PROX1: variants seen among roughly 807,000 people sequenced by gnomAD.
The protein encoded by PROX1 is prospero homeobox 1.
In PROX1, 7 loss-of-function variants were observed where a neutral mutation model predicts 58.8. That is an observed-to-expected ratio of 0.12 (90% CI 0.07 to 0.22). The LOEUF is 0.22. Ranked by LOEUF, PROX1 falls within the 10% of genes least tolerant of loss-of-function variation. The pLI is 1.00. For synonymous variants in PROX1, 350 were observed against 358.3 expected (o/e 0.98, Z 0.26); for missense variants, 675 against 927.8 (o/e 0.73, Z 3.54).
chr1:213,986,775 A>C (rs548209521), upstream of PROX1, among the ~76,000 whole-genome samples: 6 of 152,328 alleles, frequency 3.9e-5, no homozygotes, highest in East Asian at 9.6e-4. Flanking sequence ...TGCTTTATTA[A>C]AAGCCGTTTA....
rs1451785619 is a variant in PROX1, at chr1:214,038,762, T to G, written c.*2928T>G. On this transcript the variant is annotated 3_prime_UTR_variant, in exon 5 of 5. Coordinates refer to ENST00000366958, the MANE Select transcript of PROX1 (RefSeq NM_001270616.2). ...TGACTTTATTTCCAATTACTACAGC[T>G]GCAATAAACACTAGATTTTTTTTCT... 1 of 152,224 alleles carries G rather than the reference T, an allele frequency of 6.6e-6. No individual in the cohort carries two copies. Among genetic ancestry groups the G allele is most frequent in the East Asian group, 1.9e-4 (1 of 5,200 alleles). The allele number at this position is 152,224 out of a possible 1,614,324, so 9.4% of individuals were successfully genotyped here.
At chr1:213,994,748 CAAATATATATATATATATATATATAT>C (rs1165061923) in intron 1 of PROX1, among the ~76,000 whole-genome samples, 2 of 76,774 alleles carry the variant, frequency 2.6e-5, no homozygotes, top group Non-Finnish European at 4.9e-5. Flanking sequence ...CTCAAGCATG[CAAATATATATATATATATATATATAT>C]ATATATATAT....
chr1:213,990,133 TAAAA>T (rs5780750), intron 1 of PROX1, among the ~76,000 whole-genome samples: 4,154 of 131,672 alleles, frequency 0.032, 114 homozygotes, highest in East Asian at 0.049. Flanking sequence ...CTCCCTTATT[TAAAA>T]AAAAAAAAAA....
chr1:214,016,902 C>A (rs940952932), intron 4 of PROX1, among the ~76,000 whole-genome samples: 3 of 152,076 alleles, frequency 2.0e-5, no homozygotes, highest in African/African-American at 4.8e-5. Context: ...TTTTAGCTCC[C>A]TGTGTCTTTT....
rs1231686198 is a variant in PROX1, at chr1:214,031,066, T to TGTGTGTGTGTGCGC, written c.2029-4582_2029-4581insTGTGTGTGTGCGCG. Among the ~76,000 whole-genome samples, 633 of 95,104 alleles carry TGTGTGTGTGTGCGC rather than the reference T, an allele frequency of 6.7e-3. 2 individuals carry two copies. The highest frequency in any genetic ancestry group is 0.011 in the Non-Finnish European group (447 of 40,772). The allele number at this position is 95,104 out of a possible 152,430, so 62.4% of individuals were successfully genotyped here. ...GTGTGTGTGTGTGTGTGTGTGTGTG[T>TGTGTGTGTGTGCGC]GCGCGCGCGCGCATTCGCGCACGCA... On this transcript the variant is annotated intron_variant, in intron 4 of 4. Transcript: ENST00000366958.
At chr1:214,027,604 C>T (rs768830189) in intron 4 of PROX1, among the ~76,000 whole-genome samples, 2 of 152,096 alleles carry the variant, frequency 1.3e-5, no homozygotes, top group South Asian at 4.1e-4. Flanking sequence ...GTATGTTTAT[C>T]CAGCTTTGTA....
intron 4 of PROX1, among the ~76,000 whole-genome samples, chr1:214,033,794 T>C (rs953025917): frequency 6.6e-6 from 1 of 152,140 alleles, no homozygotes; most frequent in African/African-American, 2.4e-5. Flanking sequence ...AAAAGATTGC[T>C]TCACGAATTT....
chr1:213,999,933 T>C (rs979117109), intron 2 of PROX1, among the ~76,000 whole-genome samples: 5 of 152,162 alleles, frequency 3.3e-5, no homozygotes, highest in African/African-American at 1.2e-4. Flanking sequence ...CAGAGGTTCA[T>C]GTAAGGCTAA....
chr1:214,016,542 T>A (rs753453427), intron 4 of PROX1, among the ~76,000 whole-genome samples: 1 of 152,186 alleles, frequency 6.6e-6, no homozygotes, highest in Non-Finnish European at 1.5e-5. Flanking sequence ...TCTTGGTGGG[T>A]GGCGAGGAGG....
chr1:214,017,481 A>G (rs188177419), intron 4 of PROX1, among the ~76,000 whole-genome samples: 1 of 152,212 alleles, frequency 6.6e-6, no homozygotes, highest in East Asian at 1.9e-4. Context: ...GCCTCTGTGA[A>G]ATGATTTGGT....
chr1:213,983,744 T>G (rs982353576), upstream of PROX1: 1 of 152,246 alleles, frequency 6.6e-6, no homozygotes, highest in Non-Finnish European at 1.5e-5. Context: ...GCCTTTGGGT[T>G]TCCAGCTTCT....
chr1:214,025,029 T>C (rs1454350271), intron 4 of PROX1, among the ~76,000 whole-genome samples: 1 of 152,194 alleles, frequency 6.6e-6, no homozygotes, highest in African/African-American at 2.4e-5. Flanking sequence ...GGCTTATTTT[T>C]CCACCTAAGT....
intron 4 of PROX1, among the ~76,000 whole-genome samples, chr1:214,023,813 A>G (rs1452426813): frequency 3.3e-5 from 5 of 152,212 alleles, no homozygotes; most frequent in Non-Finnish European, 7.3e-5. Flanking sequence ...TATGGTGCTA[A>G]AAGTGACTTT....
At chr1:214,031,090 C>A (rs1664640924) in intron 4 of PROX1, among the ~76,000 whole-genome samples, 1 of 151,912 alleles carries the variant, frequency 6.6e-6, no homozygotes, top group Non-Finnish European at 1.5e-5. Context: ...TTCGCGCACG[C>A]ACACACACGC....
upstream of PROX1, chr1:213,984,453 C>A (rs1177401420): frequency 1.3e-5 from 2 of 152,196 alleles, no homozygotes; most frequent in African/African-American, 4.8e-5. Flanking sequence ...ACTTTGAAAG[C>A]TGTTGGTTAA....
At chr1:214,024,405 C>T (rs1664383691) in intron 4 of PROX1, among the ~76,000 whole-genome samples, 1 of 152,166 alleles carries the variant, frequency 6.6e-6, no homozygotes, top group South Asian at 2.1e-4. Flanking sequence ...CAATAATCCC[C>T]ATCCTTTCCT....
In PROX1 at chr1:213,998,038, C is replaced by T. The variant is rs1327610029; in HGVS notation, c.1503C>T (p.Ser501=). The T allele has an allele frequency of 2.5e-6, 4 of 1,611,924 alleles. No homozygotes were observed. The highest frequency in any genetic ancestry group is 1.7e-5 in the Admixed American group (1 of 59,876). The change falls in exon 2 of 5, where the codon TCC becomes TCT. Residue 501 remains serine, a synonymous_variant. Coordinates refer to ENST00000366958, the MANE Select transcript of PROX1 (RefSeq NM_001270616.2). The part of the protein sequence containing the change: ...YPFQSPLGAP[S]GSFSGKDRAS... ...TTCAGAGCCCATTAGGTGCTCCCTC[C>T]GGCTCCTTCTCTGGAAAAGACAGAG...
Position 213,997,520 on chromosome 1 carries a change from G to A in PROX1, c.985G>A (p.Gly329Ser). ...GGCTGAAAACAAGCCGAAGCGAGAA[G>A]GCAACAACAAAGAAAGAGACCATGG... ...EMAENKPKREGNNKERDHGPN... is the reference protein window; with the variant it reads ...EMAENKPKRESNNKERDHGPN... Residue 329 changes from glycine to serine, a missense_variant, in exon 2 of 5, where the codon GGC (glycine) becomes AGC (serine). By Grantham distance (56) the Gly-to-Ser change is moderately conservative. Around this residue, in one of 8 missense-constraint regions of PROX1, gnomAD observed 403 missense variants for 477.4 expected, o/e 0.84. Transcript: ENST00000366958. This position sits in a 1 kb window ranked among gnomAD's most constrained non-coding sequence, Gnocchi z 7.1. The A allele has an allele frequency of 6.2e-7, 1 of 1,614,050 alleles. No homozygotes were observed.
upstream of PROX1, chr1:213,984,341 T>A (rs1662772926): frequency 6.6e-6 from 1 of 152,246 alleles, no homozygotes; most frequent in African/African-American, 2.4e-5. Context: ...GGGAGTGGGT[T>A]CTTTATCATT....
Sources: gnomAD v4.1 joint callset for allele counts (sites outside exome capture counted in the v4.1 genomes callset) on GRCh38, gnomAD v4.1.1 for gene constraint, gnomAD v4.1.1 regional missense constraint, Gnocchi (gnomAD v3.1) non-coding constraint, MANE v1.5 for transcripts, NCBI Gene and HGNC (gene_info 2026-07-23, HGNC 2026-07-21) for gene names.